MMEL1: variants seen among roughly 807,000 people sequenced by gnomAD.
The protein encoded by MMEL1 is membrane metallo-endopeptidase-like 1.
MMEL1 carries 98 observed loss-of-function variants against 117.1 expected under a neutral mutation model. The ratio of observed to expected loss-of-function variants is 0.84; its 90% confidence interval spans 0.71 to 0.99. The LOEUF is 0.99. Among genes scored for constraint, MMEL1 ranks in the 50% least tolerant of loss-of-function variants. The pLI, the probability that MMEL1 is intolerant of heterozygous loss-of-function variation, is 0.00. For synonymous variants in MMEL1, 390 were observed against 415.1 expected (o/e 0.94, Z 0.74); for missense variants, 1,014 against 1,049.1 (o/e 0.97, Z 0.46).
At chr1:2,592,381 C>T (rs1644741345) in intron 21 of MMEL1, among the ~76,000 whole-genome samples, 1 of 78,420 alleles carries the variant, frequency 1.3e-5, no homozygotes, top group Non-Finnish European at 2.5e-5. Context: ...TGCTGGCACC[C>T]CCTCCCCTGC....
At chr1:2,609,910 C>A in intron 4 of MMEL1, 79 bp from the exon 5 acceptor site, 3 of 1,480,710 alleles carry the variant, frequency 2.0e-6, no homozygotes, top group South Asian at 2.6e-5. Flanking sequence ...GTCTCCCGGT[C>A]CAAGACACAG....
chr1:2,594,884 A>G lies in MMEL1; in HGVS notation c.1594T>C (p.Ser532Pro). 6.2e-7 allele frequency: 1 copy of G among 1,613,740 alleles called. No homozygotes were observed. The highest frequency in any genetic ancestry group is 8.5e-7 in the Non-Finnish European group (1 of 1,179,822). The part of the protein sequence containing the change: ...LDEEYSNLNF[S>P]EDLYFENSLQ... ...CTGTTCTCAAAGTACAGGTCCTCTG[A>G]GAAGTTCAGCTACGGGAGAGGGGCA... The change falls in exon 17 of 24, where the codon TCA (serine) becomes CCA (proline). Residue 532 changes from serine (S) to proline (P), a missense_variant. Transcript: ENST00000378412.
chr1:2,604,887 G>T (rs1365445880), intron 9 of MMEL1, among the ~76,000 whole-genome samples: 1 of 152,160 alleles, frequency 6.6e-6, no homozygotes, highest in East Asian at 1.9e-4. Context: ...CTCTGGCGTG[G>T]TTCTCTCAGC....
chr1:2,602,846 C>A (rs981594160), intron 11 of MMEL1, among the ~76,000 whole-genome samples: 2 of 152,246 alleles, frequency 1.3e-5, no homozygotes, highest in Non-Finnish European at 2.9e-5. Context: ...GGCTTTACCT[C>A]CTGTCTGCTG....
chr1:2,595,215 G>A lies in MMEL1; in HGVS notation c.1584+61C>T. On this transcript the variant is annotated intron_variant, in intron 16 of 23. Transcript: ENST00000378412. The surrounding 1 kb of genome is among the most constrained non-coding windows in gnomAD (Gnocchi z 4.8). Reference sequence around the variant, plus strand: ...AGAGCTTGGCACAGAGGAGCCCCCAGGCAATCAGGGCCCATGTCCACGGTG... The same window carrying A: ...AGAGCTTGGCACAGAGGAGCCCCCAAGCAATCAGGGCCCATGTCCACGGTG... The A allele has an allele frequency of 1.4e-6, 2 of 1,470,894 alleles. No homozygotes were observed. Among genetic ancestry groups the A allele is most frequent in the Non-Finnish European group, 1.9e-6 (2 of 1,058,234 alleles). The allele number at this position is 1,470,894 out of a possible 1,614,324, so 91.1% of individuals were successfully genotyped here.
chr1:2,599,825 C>T (rs1309804769), intron 11 of MMEL1, among the ~76,000 whole-genome samples: 23 of 147,082 alleles, frequency 1.6e-4, no homozygotes, highest in Non-Finnish European at 5.9e-5. Context: ...CCACTGCGCT[C>T]CAGCCTGGGC....
Position 2,606,251 on chromosome 1 carries a change from G to C in MMEL1, c.747C>G (p.Ile249Met), listed in dbSNP as rs761438784. 1 of 1,612,938 alleles carries C rather than the reference G, an allele frequency of 6.2e-7. No homozygotes were observed. The highest frequency in any genetic ancestry group is 8.5e-7 in the Non-Finnish European group (1 of 1,179,514). Residue 249 changes from isoleucine (I) to methionine (M), a missense_variant, in exon 8 of 24, where the codon ATC becomes ATG. Transcript: ENST00000378412. ...TGCCCACCGGCGCGGCTCGTACGTA[G>C]ATGATGTGCCGGCTGGAGTTCTGGT... Reference protein sequence around the residue: ...NDDQNSSRHIIYIDQPTLGMP... With the variant: ...NDDQNSSRHIMYIDQPTLGMP...
Position 2,598,212 on chromosome 1 carries a change from G to A in MMEL1, c.1267C>T (p.Arg423Cys), listed in dbSNP as rs753719481. Residue 423 changes from arginine (R) to cysteine (C), a missense_variant, in exon 13 of 24, where the codon CGC becomes TGC. Transcript: ENST00000378412. ...TGGGCAGGGAAGGGGCTCACCTTGCGGTAGTTCACTCGTGTGTCCTTGAAT... is the reference window on the plus strand; with the variant it reads ...TGGGCAGGGAAGGGGCTCACCTTGCAGTAGTTCACTCGTGTGTCCTTGAAT... ...QRFKDTRVNY[R>C]KALFGTMVEE... 47 of 1,613,704 alleles carry A rather than the reference G, an allele frequency of 2.9e-5. No homozygotes were observed. Among genetic ancestry groups the A allele is most frequent in the Non-Finnish European group, 3.7e-5 (44 of 1,179,830 alleles).
At chr1:2,623,124 A>G (rs12146058) in intron 2 of MMEL1, among the ~76,000 whole-genome samples, 60,207 of 151,068 alleles carry the variant, frequency 0.4, 12,746 homozygotes, top group African/African-American at 0.52. Context: ...AGCCGAGATC[A>G]CGCCACTGCA....
rs146657890 is a variant in MMEL1, at chr1:2,604,241, G to A, written c.857C>T (p.Thr286Met). 1.3e-5 allele frequency: 21 copies of A among 1,612,106 alleles called. No individual in the cohort carries two copies. Among genetic ancestry groups the A allele is most frequent in the African/African-American group, 2.7e-5 (2 of 74,892 alleles). ...AYLQFMVSVA[T>M]LLREDANLPR... ...CAGGTTTGCATCCTCCCGCAGCAACGTGGCCACTGACACCATGAACTGCAG... is the reference window on the plus strand; with the variant it reads ...CAGGTTTGCATCCTCCCGCAGCAACATGGCCACTGACACCATGAACTGCAG... The change falls in exon 10 of 24, where the codon ACG becomes ATG. Residue 286 changes from threonine to methionine, a missense_variant. Transcript: ENST00000378412.
chr1:2,615,244 C>T (rs1461884407), intron 2 of MMEL1, among the ~76,000 whole-genome samples: 1 of 152,156 alleles, frequency 6.6e-6, no homozygotes, highest in African/African-American at 2.4e-5. Context: ...AAGTAACTTG[C>T]AGCGCAGAAA....
chr1:2,632,806 C>T (rs902259875), intron 1 of MMEL1, 60 bp downstream of exon 1: 5 of 960,830 alleles, frequency 5.2e-6, no homozygotes, highest in East Asian at 1.1e-4. Context: ...AGGAGAGGGC[C>T]TGGAGAGGGT....
chr1:2,598,211 CGGTA>C lies in MMEL1; in HGVS notation c.1264_1267del (p.Tyr422AlafsTer80), dbSNP rs769544356. On this transcript the variant is annotated frameshift_variant, in exon 13 of 24. Coordinates refer to ENST00000378412, the MANE Select transcript of MMEL1 (RefSeq NM_033467.4). LOFTEE classifies it high-confidence loss of function. ...CTGGGCAGGGAAGGGGCTCACCTTG[CGGTA>C]GTTCACTCGTGTGTCCTTGAATCTC... The C allele has an allele frequency of 2.5e-6, 4 of 1,613,828 alleles. No individual in the cohort carries two copies. The highest frequency in any genetic ancestry group is 3.4e-6 in the Non-Finnish European group (4 of 1,179,808).
intron 7 of MMEL1, 99 bp downstream of exon 7, chr1:2,606,875 T>TG (rs1645037035): frequency 9.2e-7 from 1 of 1,082,574 alleles, no homozygotes; most frequent in South Asian, 1.3e-5. Context: ...CAGCTGGGGG[T>TG]GGGGGTGGGG....
At chr1:2,599,564 A>T (rs185671566) in intron 11 of MMEL1, among the ~76,000 whole-genome samples, 5 of 152,370 alleles carry the variant, frequency 3.3e-5, no homozygotes, top group African/African-American at 1.2e-4. Context: ...CTTGGCAAAT[A>T]AAAATAGAAG....
chr1:2,599,425 G>A (rs1350966031), intron 11 of MMEL1, among the ~76,000 whole-genome samples: 1 of 152,200 alleles, frequency 6.6e-6, no homozygotes, highest in Non-Finnish European at 1.5e-5. Context: ...CAAGTTTGGT[G>A]TAACATTTGA....
At position 2,592,823 on chromosome 1, in the gene MMEL1, C is replaced by G. The variant is rs748884838; in HGVS notation, c.2001+10G>C. 6.2e-7 allele frequency: 1 copy of G among 1,613,216 alleles called. No homozygotes were observed. The highest frequency in any genetic ancestry group is 1.1e-5 in the South Asian group (1 of 91,040). ...ACCCCCGCAGCCTGGGTGCTGGTGG[C>G]AGCGCTCACGTTCTGTTCGTCTGCC... On this transcript the variant is annotated intron_variant, in intron 20 of 23. Transcript: ENST00000378412.
chr1:2,621,436 G>A (rs1480356448), intron 2 of MMEL1, among the ~76,000 whole-genome samples: 1 of 152,186 alleles, frequency 6.6e-6, no homozygotes, highest in East Asian at 1.9e-4. Flanking sequence ...TTTTAACCCA[G>A]ACATTCCCTT....
chr1:2,621,959 TG>T (rs1645296525), intron 2 of MMEL1, among the ~76,000 whole-genome samples: 1 of 152,180 alleles, frequency 6.6e-6, no homozygotes, highest in African/African-American at 2.4e-5. Flanking sequence ...CAGGACCTCC[TG>T]GGGCTGTGTC....
Sources: allele counts gnomAD v4.1 joint callset (sites outside exome capture counted in the v4.1 genomes callset), GRCh38; gene constraint gnomAD v4.1.1; non-coding constraint Gnocchi (gnomAD v3.1); transcripts MANE v1.5; gene names NCBI Gene and HGNC (gene_info 2026-07-23, HGNC 2026-07-21).